NRP2: variants seen among roughly 807,000 people sequenced by gnomAD.
NRP2 encodes neuropilin 2.
In NRP2, 52 loss-of-function variants were observed where a neutral mutation model predicts 110.4. The ratio of observed to expected loss-of-function variants is 0.47; its 90% CI spans 0.38 to 0.59. The LOEUF is 0.59. NRP2 is among the 20% of genes least tolerant of loss of function. The probability of loss-of-function intolerance (pLI) is 0.00; values close to 1 mark genes in which losing one functional copy is unlikely to be tolerated. For missense variants in NRP2, 1,049 were observed against 1,203.0 expected (o/e 0.87, Z 1.89); for synonymous variants, 508 against 468.9 (o/e 1.08, Z -1.08).
chr2:205,766,346 A>G (rs1367478966), intron 14 of NRP2, among the ~76,000 whole-genome samples: 2 of 152,176 alleles, frequency 1.3e-5, no homozygotes, highest in Non-Finnish European at 2.9e-5. Context: ...GAGTGGCTGC[A>G]GTAACTCACC....
chr2:205,769,229 G>T (rs1393638988), intron 15 of NRP2, among the ~76,000 whole-genome samples: 1 of 152,062 alleles, frequency 6.6e-6, no homozygotes, highest in East Asian at 1.9e-4. Context: ...CATTTACATT[G>T]TTATACATTT....
rs566648116 is a variant in NRP2, at chr2:205,697,653, C to A, written c.183C>A (p.Ala61=). The A allele has an allele frequency of 1.2e-6, 2 of 1,613,968 alleles. No homozygotes were observed. Among genetic ancestry groups the A allele is most frequent in the East Asian group, 4.5e-5 (2 of 44,864 alleles). Residue 61 remains alanine, a synonymous_variant, in exon 2 of 17, where the codon GCC becomes GCA. Coordinates refer to ENST00000357785, the MANE Select transcript of NRP2 (RefSeq NM_003872.3). ...AGAACTGCGAGTGGATTGTTTACGCCCCCGAACCCAACCAGAAGATTGTCC... is the reference window on the plus strand; with the variant it reads ...AGAACTGCGAGTGGATTGTTTACGCACCCGAACCCAACCAGAAGATTGTCC... ...SHQNCEWIVY[A]PEPNQKIVLN... is the part of the protein sequence containing the mutation.
At chr2:205,717,536 G>A (rs993393812) in intron 3 of NRP2, among the ~76,000 whole-genome samples, 1 of 152,272 alleles carries the variant, frequency 6.6e-6, no homozygotes, top group Non-Finnish European at 1.5e-5. Flanking sequence ...GGAATCAAAT[G>A]AAGGGGTGGG....
Position 205,795,211 on chromosome 2 carries a change from A to G in NRP2, c.*153A>G. 1.2e-6 allele frequency: 1 copy of G among 840,386 alleles called. No individual in the cohort carries two copies. The highest frequency in any genetic ancestry group is 1.7e-5 in the African/African-American group (1 of 59,616). The allele number at this position is 840,386 out of a possible 1,614,324, so 52.1% of individuals were successfully genotyped here. On this transcript the variant is annotated 3_prime_UTR_variant, in exon 17 of 17. Coordinates refer to ENST00000357785, the MANE Select transcript of NRP2 (RefSeq NM_003872.3). Reference sequence around the variant, plus strand: ...TGGACAGGACAGAAAAGCGAGTCGCAGGAGGAAGGGAGATGCAGCCGCACA... The same window carrying G: ...TGGACAGGACAGAAAAGCGAGTCGCGGGAGGAAGGGAGATGCAGCCGCACA...
At chr2:205,704,813 T>C (rs1192088156) in intron 2 of NRP2, among the ~76,000 whole-genome samples, 3 of 152,154 alleles carry the variant, frequency 2.0e-5, no homozygotes, top group Non-Finnish European at 2.9e-5. Context: ...ACAATCCCAC[T>C]TGTTCTGCCT....
chr2:205,743,608 G>T, intron 9 of NRP2, 56 bp downstream of exon 9: 1 of 1,593,916 alleles, frequency 6.3e-7, no homozygotes, highest in Non-Finnish European at 8.6e-7. Flanking sequence ...GGCTAAGTGT[G>T]GTACAGGGAG....
At chr2:205,790,975 G>T in intron 15 of NRP2, among the ~76,000 whole-genome samples, 1 of 152,200 alleles carries the variant, frequency 6.6e-6, no homozygotes, top group South Asian at 2.1e-4. Context: ...AGGGACCGAG[G>T]GGGATGAGAA....
At chr2:205,689,949 G>A (rs1432798102) in intron 1 of NRP2, among the ~76,000 whole-genome samples, 1 of 152,092 alleles carries the variant, frequency 6.6e-6, no homozygotes, top group African/African-American at 2.4e-5. Context: ...CTTCATAAAG[G>A]AGTCATTATC....
intron 2 of NRP2, among the ~76,000 whole-genome samples, chr2:205,708,612 G>T (rs976963133): frequency 2.0e-5 from 3 of 152,168 alleles, no homozygotes; most frequent in African/African-American, 7.2e-5. Flanking sequence ...ATCATCGCAG[G>T]GCCTTTGCGG....
chr2:205,740,668 G>A lies in NRP2; in HGVS notation c.1291+5G>A, dbSNP rs1221795567. On this transcript the variant is annotated splice_donor_5th_base_variant and intron_variant, in intron 8 of 16. Coordinates refer to ENST00000357785, the MANE Select transcript of NRP2 (RefSeq NM_003872.3). ...TCTTCGGCTGCCGGGTCACAGGTGAGGTGGGGGCTCCAATGAGGTTGGGGT... is the reference window on the plus strand; with the variant it reads ...TCTTCGGCTGCCGGGTCACAGGTGAAGTGGGGGCTCCAATGAGGTTGGGGT... The A allele has an allele frequency of 2.5e-6, 4 of 1,613,882 alleles. No homozygotes were observed. The African/African-American group carries it at 5.3e-5, about 22-fold the overall frequency.
intron 1 of NRP2, among the ~76,000 whole-genome samples, chr2:205,696,367 C>T (rs1401358946): frequency 6.6e-6 from 1 of 152,178 alleles, no homozygotes; most frequent in African/African-American, 2.4e-5. Flanking sequence ...TTCACGGGCC[C>T]ATGCTGCTCC....
intron 15 of NRP2, among the ~76,000 whole-genome samples, chr2:205,769,300 T>C (rs2057979180): frequency 6.6e-6 from 1 of 152,178 alleles, no homozygotes; most frequent in Non-Finnish European, 1.5e-5. Flanking sequence ...GGTAATCTCA[T>C]TCTTTGGGAG....
intron 15 of NRP2, among the ~76,000 whole-genome samples, chr2:205,784,541 G>A (rs1298252271): frequency 1.3e-5 from 2 of 152,112 alleles, no homozygotes; most frequent in South Asian, 4.1e-4. Flanking sequence ...TGCCTCATTC[G>A]CCTTGGCCAA....
chr2:205,692,022 T>C (rs998010020), intron 1 of NRP2, among the ~76,000 whole-genome samples: 2 of 152,186 alleles, frequency 1.3e-5, no homozygotes, highest in African/African-American at 2.4e-5. Context: ...GTGAATTCAT[T>C]GGAGGTGTTT....
At chr2:205,780,694 A>C (rs1430406660) in intron 15 of NRP2, among the ~76,000 whole-genome samples, 1 of 152,230 alleles carries the variant, frequency 6.6e-6, no homozygotes, top group Non-Finnish European at 1.5e-5. Flanking sequence ...GTACATGTTC[A>C]GAAGATCCTA....
At chr2:205,733,717 C>T (rs1331916182) in intron 7 of NRP2, among the ~76,000 whole-genome samples, 1 of 152,118 alleles carries the variant, frequency 6.6e-6, no homozygotes, top group Non-Finnish European at 1.5e-5. Context: ...CTCCTTCCCT[C>T]TTCCTAGGAC....
At chr2:205,750,670 A>G (rs1278618976) in intron 11 of NRP2, among the ~76,000 whole-genome samples, 1 of 152,246 alleles carries the variant, frequency 6.6e-6, no homozygotes, top group Non-Finnish European at 1.5e-5. Flanking sequence ...TTTTGGCTAG[A>G]ATGTTAAGCT....
chr2:205,758,274 T>C (rs2057765050), intron 12 of NRP2, among the ~76,000 whole-genome samples: 1 of 152,154 alleles, frequency 6.6e-6, no homozygotes, highest in Non-Finnish European at 1.5e-5. Context: ...TTCTTTCAGA[T>C]GGTCGTTCTA....
At chr2:205,765,154 G>A (rs562381499) in intron 13 of NRP2, among the ~76,000 whole-genome samples, 1 of 152,102 alleles carries the variant, frequency 6.6e-6, no homozygotes, top group Non-Finnish European at 1.5e-5. Flanking sequence ...AGTGAGGGAA[G>A]TTTCAACCCC....
Sources: allele counts gnomAD v4.1 joint callset (sites outside exome capture counted in the v4.1 genomes callset), GRCh38; gene constraint gnomAD v4.1.1; transcripts MANE v1.5; gene names NCBI Gene and HGNC (gene_info 2026-07-23, HGNC 2026-07-21).